Variants in MBD5 observed in about 807,000 individuals in gnomAD.
MBD5 encodes the protein methyl-CpG binding domain protein 5.
A neutral mutation model predicts 117.3 loss-of-function variants in MBD5; 13 were observed. The observed-to-expected ratio is 0.11, with a 90% CI of 0.07 to 0.18. The LOEUF is 0.18. MBD5 is among the 10% of genes least tolerant of loss of function. The pLI, the probability that MBD5 is intolerant of heterozygous loss-of-function variation, is 1.00. For missense variants in MBD5, 1,879 were observed against 2,093.8 expected (o/e 0.90, Z 2.00); for synonymous variants, 727 against 766.4 (o/e 0.95, Z 0.85).
At chr2:148,235,808 G>T (rs1163725030) in intron 3 of MBD5, among the ~76,000 whole-genome samples, 3 of 151,004 alleles carry the variant, frequency 2.0e-5, no homozygotes, top group Non-Finnish European at 4.4e-5. Context: ...AGTGTTTTGG[G>T]GGGTGGCGGG....
intron 3 of MBD5, among the ~76,000 whole-genome samples, chr2:148,258,630 G>A (rs1700651509): frequency 6.6e-6 from 1 of 152,194 alleles, no homozygotes; most frequent in Admixed American, 6.5e-5. Flanking sequence ...GGTGGGACCG[G>A]GTGGCGCAGC....
chr2:148,392,064 C>T (rs1704584621), intron 4 of MBD5, among the ~76,000 whole-genome samples: 1 of 151,938 alleles, frequency 6.6e-6, no homozygotes, highest in Non-Finnish European at 1.5e-5. Context: ...GAAATTAGCT[C>T]ATTGGTTTTT....
chr2:148,486,492 A>C (rs550825047), intron 10 of MBD5, among the ~76,000 whole-genome samples: 1 of 152,346 alleles, frequency 6.6e-6, no homozygotes, highest in Non-Finnish European at 1.5e-5. Flanking sequence ...AAAAGTAACA[A>C]ATTTGAATAG....
At chr2:148,245,982 G>T (rs1438959609) in intron 3 of MBD5, among the ~76,000 whole-genome samples, 6 of 152,110 alleles carry the variant, frequency 3.9e-5, no homozygotes, top group Admixed American at 3.9e-4. Flanking sequence ...ATGTGATTCA[G>T]ATTTCAAAAT....
At chr2:148,294,501 G>GTTTTTTTTTTTTTGTTTTTTTTTTT (rs761709621) in intron 3 of MBD5, among the ~76,000 whole-genome samples, 1 of 113,212 alleles carries the variant, frequency 8.8e-6, no homozygotes, top group Non-Finnish European at 1.8e-5. Context: ...TGGGATTACA[G>GTTTTTTTTTTTTTGTTTTTTTTTTT]TTTTTTTTTT....
At chr2:148,351,097 A>G (rs1703237800) in intron 4 of MBD5, among the ~76,000 whole-genome samples, 1 of 152,060 alleles carries the variant, frequency 6.6e-6, no homozygotes, top group South Asian at 2.1e-4. Flanking sequence ...CATCACATAT[A>G]ATAACACATG....
At chr2:148,238,081 G>T (rs990030274) in intron 3 of MBD5, among the ~76,000 whole-genome samples, 2 of 152,048 alleles carry the variant, frequency 1.3e-5, no homozygotes, top group East Asian at 3.9e-4. Flanking sequence ...TTGAAAACAG[G>T]TTTCTTCATA....
rs547793996 is a variant in MBD5 at position 148,216,782 on chromosome 2, C to G, written c.-830-16463C>G. On this transcript the variant is annotated intron_variant, in intron 2 of 13. Transcript: ENST00000642680. ...GGGTTCTCCCCAAGCCCGTGTTTCT[C>G]CTTTCTCACAATCTTTACTTCTTCC... Among the ~76,000 whole-genome samples, 6 of 152,258 alleles carry G rather than the reference C, an allele frequency of 3.9e-5. No homozygotes were observed. The East Asian group carries it at 1.2e-3, about 30-fold the overall frequency.
chr2:148,307,363 A>G (rs1701918469), intron 3 of MBD5, among the ~76,000 whole-genome samples: 1 of 150,062 alleles, frequency 6.7e-6, no homozygotes, highest in Non-Finnish European at 1.5e-5. Context: ...AATCCATCCA[A>G]TCTTAGCAAC....
At position 148,514,277 on chromosome 2, in the gene MBD5, A is replaced by G. The variant is rs1220687390; in HGVS notation, c.*1336A>G. On this transcript the variant is annotated 3_prime_UTR_variant, in exon 14 of 14. Coordinates refer to ENST00000642680, the MANE Select transcript of MBD5 (RefSeq NM_001378120.1). ...AAATGTAGAGAGAAAATACTACATT[A>G]CAAGTATACAAACCTAAAACTGTGA... 6.6e-6 allele frequency: 1 copy of G among 152,238 alleles called. No homozygotes were observed. The allele number at this position is 152,238 out of a possible 1,614,324, so 9.4% of individuals were successfully genotyped here. A position where few individuals can be genotyped will look rare whatever the true frequency, so the allele number is the denominator to read the frequency against.
At chr2:148,171,212 A>G (rs1273227558) in intron 1 of MBD5, among the ~76,000 whole-genome samples, 3 of 152,256 alleles carry the variant, frequency 2.0e-5, no homozygotes, top group Non-Finnish European at 4.4e-5. Flanking sequence ...ATCCTTATGT[A>G]TATATTATGC....
chr2:148,089,004 GA>G (rs1041549229), intron 1 of MBD5, among the ~76,000 whole-genome samples: 2 of 151,822 alleles, frequency 1.3e-5, no homozygotes, highest in Non-Finnish European at 2.9e-5. Context: ...GTAAAGGGTG[GA>G]AAAAAATATT....
At chr2:148,249,982 C>G (rs1700427013) in intron 3 of MBD5, among the ~76,000 whole-genome samples, 1 of 148,484 alleles carries the variant, frequency 6.7e-6, no homozygotes, top group East Asian at 1.9e-4. Context: ...CAGCTTTTAA[C>G]TTTTTTTCCG....
intron 2 of MBD5, among the ~76,000 whole-genome samples, chr2:148,210,407 G>C (rs1265799325): frequency 6.6e-6 from 1 of 151,770 alleles, no homozygotes; most frequent in Non-Finnish European, 1.5e-5. Context: ...GAGATAATAG[G>C]TCTTATAAAA....
chr2:148,171,636 A>C (rs965807682), intron 1 of MBD5, among the ~76,000 whole-genome samples: 10 of 152,238 alleles, frequency 6.6e-5, no homozygotes, highest in Non-Finnish European at 8.8e-5. Flanking sequence ...AGGCAAGAGA[A>C]AGAAAGAAAA....
At chr2:148,312,267 C>T (rs1702050691) in intron 3 of MBD5, among the ~76,000 whole-genome samples, 1 of 152,168 alleles carries the variant, frequency 6.6e-6, no homozygotes, top group Non-Finnish European at 1.5e-5. Context: ...TGCGTTCTTC[C>T]CATCACTTTC....
Position 148,021,314 on chromosome 2 carries a change from C to T in MBD5, c.-1295C>T. 1 of 396,994 alleles carries T rather than the reference C, an allele frequency of 2.5e-6. No individual in the cohort carries two copies. The highest frequency in any genetic ancestry group is 5.0e-6 in the Non-Finnish European group (1 of 201,560). The allele number at this position is 396,994 out of a possible 1,614,324, so 24.6% of individuals were successfully genotyped here. ...GAGCCTGAGAGAGGAGAAGGAGTTT[C>T]TTCTTCTTCGAAAACCCCCATCCAC... On this transcript the variant is annotated 5_prime_UTR_variant, in exon 1 of 14. Transcript: ENST00000642680.
chr2:148,351,413 T>C (rs2105233581), intron 4 of MBD5, among the ~76,000 whole-genome samples: 1 of 152,178 alleles, frequency 6.6e-6, no homozygotes, highest in South Asian at 2.1e-4. Context: ...ATTTTAAGGT[T>C]CATCCATACT....
intron 4 of MBD5, among the ~76,000 whole-genome samples, chr2:148,345,619 GTATA>G (rs1703103443): frequency 2.1e-5 from 1 of 48,716 alleles, no homozygotes; most frequent in Non-Finnish European, 4.2e-5. Context: ...GTATATACAC[GTATA>G]CACATACATA....
Sources: gnomAD v4.1 joint callset for allele counts (sites outside exome capture counted in the v4.1 genomes callset) on GRCh38, gnomAD v4.1.1 for gene constraint, MANE v1.5 for transcripts, NCBI Gene and HGNC (gene_info 2026-07-23, HGNC 2026-07-21) for gene names.